Variants in SEMA3D observed in about 807,000 individuals in gnomAD.
SEMA3D encodes semaphorin 3D.
A neutral mutation model predicts 100.1 loss-of-function variants in SEMA3D; 84 were observed. The ratio of observed to expected loss-of-function variants is 0.84; its 90% CI spans 0.70 to 1.01. The LOEUF (loss-of-function observed/expected upper bound fraction) is 1.01. Ranked by LOEUF, SEMA3D falls within the 50% of genes least tolerant of loss-of-function variation. SEMA3D has a pLI of 0.00. For synonymous variants in SEMA3D, 312 were observed against 320.7 expected (o/e 0.97, Z 0.29); for missense variants, 875 against 934.1 (o/e 0.94, Z 0.82).
At chr7:85,024,973 A>G (rs1790353575) in intron 12 of SEMA3D, among the ~76,000 whole-genome samples, 1 of 152,080 alleles carries the variant, frequency 6.6e-6, no homozygotes, top group Non-Finnish European at 1.5e-5. Flanking sequence ...GTGTAGGGAA[A>G]TGATACATCT....
rs539538207 is a variant in SEMA3D, at chr7:85,065,241, A to T, written c.718+183T>A. ...GAATAGCAGACACTCAATAAATATT[A>T]TGTATTACTATATAAACAAAAGGTT... On this transcript the variant is annotated intron_variant, in intron 8 of 18. Transcript: ENST00000284136. 7.2e-5 allele frequency among the ~76,000 whole-genome samples: 11 copies of T among 152,320 alleles called. No homozygotes were observed. In the South Asian group the frequency reaches 2.3e-3, roughly 32 times the overall value.
chr7:85,119,036 A>G (rs534058801), intron 3 of SEMA3D, among the ~76,000 whole-genome samples: 22 of 152,328 alleles, frequency 1.4e-4, no homozygotes, highest in African/African-American at 5.3e-4. Flanking sequence ...ATCATTACAG[A>G]AATACAAATC....
At chr7:85,058,337 C>A (rs1211447187) in intron 8 of SEMA3D, among the ~76,000 whole-genome samples, 2 of 152,044 alleles carry the variant, frequency 1.3e-5, no homozygotes, top group African/African-American at 4.8e-5. Flanking sequence ...CCTGCCCCGG[C>A]CCTCTTTCAA....
intron 3 of SEMA3D, among the ~76,000 whole-genome samples, chr7:85,111,822 A>G (rs1789105324): frequency 6.6e-6 from 1 of 151,940 alleles, no homozygotes; most frequent in East Asian, 1.9e-4. Flanking sequence ...CCATCCCACT[A>G]TTTGTTTAGC....
chr7:85,151,028 A>C (rs1334296394), intron 2 of SEMA3D, among the ~76,000 whole-genome samples: 1 of 151,932 alleles, frequency 6.6e-6, no homozygotes, highest in Non-Finnish European at 1.5e-5. Flanking sequence ...ATATCACCTG[A>C]AAGTTTCTCA....
intron 2 of SEMA3D, among the ~76,000 whole-genome samples, chr7:85,122,932 C>A (rs1184377994): frequency 6.6e-6 from 1 of 152,086 alleles, no homozygotes; most frequent in African/African-American, 2.4e-5. Context: ...CCAAACTAAG[C>A]CTGGTAACAA....
intron 3 of SEMA3D, among the ~76,000 whole-genome samples, chr7:85,102,515 C>T (rs577549767): frequency 6.6e-6 from 1 of 152,004 alleles, no homozygotes; most frequent in Admixed American, 6.6e-5. Context: ...AGACATAAAG[C>T]CAGCATCTAG....
At chr7:85,080,056 C>G (rs1430328420) in intron 5 of SEMA3D, among the ~76,000 whole-genome samples, 1 of 152,186 alleles carries the variant, frequency 6.6e-6, no homozygotes, top group African/African-American at 2.4e-5. Flanking sequence ...TTTATGTTAA[C>G]ACTCCCTGAT....
chr7:85,120,015 T>C (rs1273178563), intron 3 of SEMA3D, among the ~76,000 whole-genome samples: 4 of 151,346 alleles, frequency 2.6e-5, no homozygotes, highest in Admixed American at 1.3e-4. Flanking sequence ...CAGTCCTAGC[T>C]CACTGCAGTC....
intron 8 of SEMA3D, among the ~76,000 whole-genome samples, chr7:85,062,401 A>G (rs1791502738): frequency 6.6e-6 from 1 of 152,178 alleles, no homozygotes; most frequent in African/African-American, 2.4e-5. Flanking sequence ...GAAAATGGTA[A>G]CCATAGAAAG....
At chr7:85,230,528 T>C in the SEMA3D span, among the ~76,000 whole-genome samples, 2 of 152,216 alleles carry the variant, frequency 1.3e-5, no homozygotes, top group African/African-American at 4.8e-5. Context: ...ACCTACATTG[T>C]AGAGCTTGAA....
At chr7:85,188,448 G>A (rs995933230), upstream of SEMA3D, among the ~76,000 whole-genome samples, 4 of 152,036 alleles carry the variant, frequency 2.6e-5, no homozygotes, top group Admixed American at 2.6e-4. Flanking sequence ...TATATTTAAT[G>A]TTATACCACT....
At chr7:85,176,321 A>G (rs1208297979) in intron 1 of SEMA3D, among the ~76,000 whole-genome samples, 2 of 152,188 alleles carry the variant, frequency 1.3e-5, no homozygotes, top group African/African-American at 4.8e-5. Context: ...TATTGATCTT[A>G]GTCTTTTCAG....
rs186107729 is a variant in SEMA3D at position 85,057,453 on chromosome 7, C to T, written c.719-1594G>A. On this transcript the variant is annotated intron_variant, in intron 8 of 18. Transcript: ENST00000284136. ...AAGCAGAAGCAAGAGAAAAGAGAAG[C>T]CAAAAAGTTTTAACAGAAAAATAAA... 2.3e-3 allele frequency among the ~76,000 whole-genome samples: 345 copies of T among 152,130 alleles called. 3 individuals carry two copies. The highest frequency in any genetic ancestry group is 7.9e-3 in the African/African-American group (327 of 41,492).
At chr7:85,020,971 C>T (rs929736912) in intron 13 of SEMA3D, among the ~76,000 whole-genome samples, 1 of 151,136 alleles carries the variant, frequency 6.6e-6, no homozygotes, top group Admixed American at 6.6e-5. Flanking sequence ...TTAAATACAT[C>T]ATCTTACATT....
chr7:85,126,389 TGTGTGTGTGTGTGTC>T (rs1443704770), intron 2 of SEMA3D, among the ~76,000 whole-genome samples: 5 of 116,518 alleles, frequency 4.3e-5, no homozygotes, highest in East Asian at 3.4e-4. Context: ...TGTGTGTGTG[TGTGTGTGTGTGTGTC>T]GTGTGTGTGT....
chr7:85,159,943 A>G, intron 1 of SEMA3D: 2 of 984,998 alleles, frequency 2.0e-6, no homozygotes, highest in Non-Finnish European at 2.4e-6. Context: ...AGTGTTCAAG[A>G]AACACAAGCC....
At chr7:85,108,511 A>G (rs575687593) in intron 3 of SEMA3D, among the ~76,000 whole-genome samples, 2 of 152,200 alleles carry the variant, frequency 1.3e-5, no homozygotes, top group East Asian at 3.9e-4. Flanking sequence ...TTGTTGAAAT[A>G]CAGATGTTTT....
At chr7:85,243,800 A>T in the SEMA3D span, among the ~76,000 whole-genome samples, 1 of 152,214 alleles carries the variant, frequency 6.6e-6, no homozygotes, top group African/African-American at 2.4e-5. Flanking sequence ...GAATAGCTTT[A>T]TTCTGAATTT....
Sources: allele counts gnomAD v4.1 joint callset (sites outside exome capture counted in the v4.1 genomes callset), GRCh38; gene constraint gnomAD v4.1.1; transcripts MANE v1.5; gene names NCBI Gene and HGNC (gene_info 2026-07-23, HGNC 2026-07-21).